LAMC1: variants seen among roughly 807,000 people sequenced by gnomAD.
LAMC1 encodes the protein laminin subunit gamma-1.
LAMC1 carries 38 observed loss-of-function variants against 173.6 expected under a neutral mutation model. That is an observed-to-expected ratio of 0.22 (90% CI 0.17 to 0.29). The LOEUF is 0.29. LAMC1 is among the 10% of genes least tolerant of loss of function. LAMC1 has a pLI of 1.00. For synonymous variants in LAMC1, 746 were observed against 749.1 expected, an observed-to-expected ratio of 1.00 and a Z score of 0.07; for missense variants, 1,824 against 2,051.8, an observed-to-expected ratio of 0.89 and a Z score of 2.14.
intron 1 of LAMC1, among the ~76,000 whole-genome samples, chr1:183,025,145 TC>T (rs11322326): frequency 0.5 from 75,735 of 151,952 alleles, 19,575 homozygotes; most frequent in South Asian, 0.64. Context: ...CTAATGAACT[TC>T]CAGAGAGAAC....
At chr1:183,057,625 A>G (rs1465040183) in intron 1 of LAMC1, among the ~76,000 whole-genome samples, 1 of 151,990 alleles carries the variant, frequency 6.6e-6, no homozygotes, top group Non-Finnish European at 1.5e-5. Flanking sequence ...GCCGGGCATG[A>G]TGGTGGGCGC....
chr1:183,064,426 C>CT (rs1654816385), intron 1 of LAMC1, among the ~76,000 whole-genome samples: 1 of 152,132 alleles, frequency 6.6e-6, no homozygotes, highest in South Asian at 2.1e-4. Context: ...ATAGTAAGTC[C>CT]TTACTTACTG....
intron 1 of LAMC1, among the ~76,000 whole-genome samples, chr1:183,062,350 GC>G (rs937266091): frequency 6.6e-6 from 1 of 152,130 alleles, no homozygotes; most frequent in African/African-American, 2.4e-5. Context: ...TTTCAGGGCA[GC>G]ATTTGATTAT....
intron 1 of LAMC1, among the ~76,000 whole-genome samples, chr1:183,026,293 C>T (rs577901362): frequency 6.6e-6 from 1 of 152,186 alleles, no homozygotes; most frequent in African/African-American, 2.4e-5. Context: ...GACTAGGATA[C>T]TTGACTTGTT....
At position 183,053,835 on chromosome 1, in the gene LAMC1, A is replaced by G. The variant is rs954581890; in HGVS notation, c.418+29701A>G. 2.6e-5 allele frequency among the ~76,000 whole-genome samples: 4 copies of G among 152,280 alleles called. No homozygotes were observed. The South Asian group carries it at 8.3e-4, about 32-fold the overall frequency. On this transcript the variant is annotated intron_variant, in intron 1 of 27. Coordinates refer to ENST00000258341, the MANE Select transcript of LAMC1 (RefSeq NM_002293.4). ...GAGACGGGGTTTTACCATGTTGCCCAGGCTGGTCTCAAACTCCTGAGCTCA... is the reference window on the plus strand; with the variant it reads ...GAGACGGGGTTTTACCATGTTGCCCGGGCTGGTCTCAAACTCCTGAGCTCA...
intron 1 of LAMC1, among the ~76,000 whole-genome samples, chr1:183,032,972 A>G (rs2102008418): frequency 6.6e-6 from 1 of 152,172 alleles, no homozygotes. Flanking sequence ...AAAATTTCAG[A>G]GCTATGCATT....
At chr1:183,050,077 A>G (rs571632101) in intron 1 of LAMC1, among the ~76,000 whole-genome samples, 28 of 152,248 alleles carry the variant, frequency 1.8e-4, no homozygotes, top group Non-Finnish European at 3.2e-4. Flanking sequence ...ACCTTTATCA[A>G]TCAGATTTCA....
At chr1:183,108,702 G>A (rs973077284) in intron 3 of LAMC1, among the ~76,000 whole-genome samples, 2 of 152,232 alleles carry the variant, frequency 1.3e-5, no homozygotes, top group African/African-American at 4.8e-5. Flanking sequence ...CAAGGGCACT[G>A]TGAAGCACTT....
At chr1:183,107,962 T>C (rs1571444632) in intron 2 of LAMC1, among the ~76,000 whole-genome samples, 1 of 152,296 alleles carries the variant, frequency 6.6e-6, no homozygotes, top group South Asian at 2.1e-4. Context: ...GGAAGGGGCA[T>C]GTGTATCGAG....
rs1176517932 is a variant in LAMC1 at position 183,110,713 on chromosome 1, A to G, written c.1021+59A>G. The G allele has an allele frequency of 2.0e-6, 3 of 1,533,198 alleles. No individual in the cohort carries two copies. The African/African-American group carries it at 4.1e-5, about 21-fold the overall frequency. 95.0% of individuals were successfully genotyped at this position (1,533,198 alleles called of 1,614,324 possible). A position where few individuals can be genotyped will look rare whatever the true frequency, so the allele number is the denominator to read the frequency against. On this transcript the variant is annotated intron_variant, in intron 4 of 27. Transcript: ENST00000258341. ...CTTAAGGACTTCCAAGGGTGGAAGA[A>G]GGAATGGGTGACTTTCTTTTATTCC...
At chr1:183,121,698 A>AT (rs772078249) in intron 11 of LAMC1, 25 bp from the exon 12 acceptor site, 2 of 1,587,760 alleles carry the variant, frequency 1.3e-6, no homozygotes, top group Non-Finnish European at 1.7e-6. Flanking sequence ...CAGTTCAGTG[A>AT]TTTTCTTTTC....
rs1356259211 is a variant in LAMC1 at position 183,099,596 on chromosome 1, C to T, written c.419-3732C>T. On this transcript the variant is annotated intron_variant, in intron 1 of 27. Coordinates refer to ENST00000258341, the MANE Select transcript of LAMC1 (RefSeq NM_002293.4). ...TTTATTCTTTTACTTGCCTTCCTCCCTCTGGCTGCCCCCTCATAGCCTCCT... is the reference window on the plus strand; with the variant it reads ...TTTATTCTTTTACTTGCCTTCCTCCTTCTGGCTGCCCCCTCATAGCCTCCT... Among the ~76,000 whole-genome samples, 5 of 152,146 alleles carry T rather than the reference C, an allele frequency of 3.3e-5. No homozygotes were observed. The East Asian group carries it at 5.8e-4, about 18-fold the overall frequency.
rs541783895 is a variant in LAMC1 at position 183,106,638 on chromosome 1, G to A, written c.724-1638G>A. ...GCAGTCCCTAGGAAAGACTTAAAATGGAAATGCTGTCTTTGAGTGGTTATA... is the reference window on the plus strand; with the variant it reads ...GCAGTCCCTAGGAAAGACTTAAAATAGAAATGCTGTCTTTGAGTGGTTATA... On this transcript the variant is annotated intron_variant, in intron 2 of 27. Coordinates refer to ENST00000258341, the MANE Select transcript of LAMC1 (RefSeq NM_002293.4). Among the ~76,000 whole-genome samples, 5 of 152,208 alleles carry A rather than the reference G, an allele frequency of 3.3e-5. No individual in the cohort carries two copies. The East Asian group carries it at 9.7e-4, about 29-fold the overall frequency.
chr1:183,137,838 T>C lies in LAMC1; in HGVS notation c.4473+11T>C, dbSNP rs1417306712. On this transcript the variant is annotated intron_variant, in intron 26 of 27. Coordinates refer to ENST00000258341, the MANE Select transcript of LAMC1 (RefSeq NM_002293.4). ...ATGATGGCAGGGATGGTAAGAGGTT[T>C]TGGTATATTTGCTCATTGGCAGAAA... 2.5e-6 allele frequency: 4 copies of C among 1,585,624 alleles called. 1 individual carries two copies. In the East Asian group the frequency reaches 6.9e-5, roughly 27 times the overall value.
intron 1 of LAMC1, among the ~76,000 whole-genome samples, chr1:183,025,515 A>C (rs1336592297): frequency 2.0e-5 from 3 of 152,224 alleles, no homozygotes; most frequent in Non-Finnish European, 4.4e-5. Context: ...AGTAAAGTGC[A>C]CTGAGTTCAG....
At chr1:183,034,769 A>G (rs1279566231) in intron 1 of LAMC1, among the ~76,000 whole-genome samples, 1 of 152,234 alleles carries the variant, frequency 6.6e-6, no homozygotes, top group East Asian at 1.9e-4. Flanking sequence ...TTTGCCATTC[A>G]TGGAGCAATG....
At chr1:183,125,366 G>A (rs975883920) in intron 14 of LAMC1, 31 bp from the exon 15 acceptor site, 2 of 1,610,620 alleles carry the variant, frequency 1.2e-6, no homozygotes, top group Non-Finnish European at 1.7e-6. Context: ...GGTGATTTGT[G>A]TCTTTTGCCA....
intron 25 of LAMC1, 99 bp from the exon 26 acceptor site, chr1:183,137,570 A>T: frequency 1.6e-6 from 1 of 622,674 alleles, no homozygotes; most frequent in Non-Finnish European, 2.5e-6. Context: ...TTTCTGGATT[A>T]TATTTTTAAG....
At chr1:183,085,859 T>C (rs1377889010) in intron 1 of LAMC1, among the ~76,000 whole-genome samples, 1 of 152,242 alleles carries the variant, frequency 6.6e-6, no homozygotes, top group Non-Finnish European at 1.5e-5. Context: ...TCTTTTGCTC[T>C]TGTTTTCTAC....
Sources: allele counts gnomAD v4.1 joint callset (sites outside exome capture counted in the v4.1 genomes callset), GRCh38; gene constraint gnomAD v4.1.1; transcripts MANE v1.5; gene names NCBI Gene and HGNC (gene_info 2026-07-23, HGNC 2026-07-21).